The following CACNA2D3 variants were observed in gnomAD, a reference collection of about 807,000 sequenced individuals.
The protein encoded by CACNA2D3 is calcium voltage-gated channel auxiliary subunit alpha2delta 3.
In CACNA2D3, 60 loss-of-function variants were observed where a neutral mutation model predicts 160.6. The observed-to-expected ratio is 0.37, with a 90% CI of 0.30 to 0.46. The LOEUF is 0.46. Among genes scored for constraint, CACNA2D3 ranks in the 20% least tolerant of loss-of-function variants. The pLI, the probability that CACNA2D3 is intolerant of heterozygous loss-of-function variation, is 1.00. For missense variants in CACNA2D3, 1,205 were observed against 1,365.0 expected (o/e 0.88, Z 1.85); for synonymous variants, 558 against 492.9 (o/e 1.13, Z -1.75).
At chr3:54,884,837 T>A (rs922013386) in intron 21 of CACNA2D3, among the ~76,000 whole-genome samples, 1 of 152,244 alleles carries the variant, frequency 6.6e-6, no homozygotes, top group Non-Finnish European at 1.5e-5. Context: ...TAGGGACTAC[T>A]ATTCCTGCTT....
At chr3:54,554,000 A>G (rs992238529) in intron 5 of CACNA2D3, among the ~76,000 whole-genome samples, 5 of 152,208 alleles carry the variant, frequency 3.3e-5, no homozygotes, top group Admixed American at 2.6e-4. Flanking sequence ...AATCCTTGCC[A>G]CGACCTCCCC....
intron 4 of CACNA2D3, among the ~76,000 whole-genome samples, chr3:54,500,593 T>A (rs1701278877): frequency 6.6e-6 from 1 of 151,136 alleles, no homozygotes; most frequent in African/African-American, 2.4e-5. Context: ...TTTCTTTCTT[T>A]CTCTTTTTCT....
At chr3:54,535,831 G>T (rs1701880589) in intron 5 of CACNA2D3, among the ~76,000 whole-genome samples, 1 of 152,214 alleles carries the variant, frequency 6.6e-6, no homozygotes, top group Non-Finnish European at 1.5e-5. Context: ...CTGTCGGGAG[G>T]CTGAATTATG....
intron 2 of CACNA2D3, among the ~76,000 whole-genome samples, chr3:54,303,441 GT>G (rs1272707804): frequency 6.6e-6 from 1 of 152,180 alleles, no homozygotes; most frequent in Non-Finnish European, 1.5e-5. Flanking sequence ...AGAGTTTCTT[GT>G]TTGACTGGAC....
chr3:55,024,854 A>G (rs1225186360), intron 35 of CACNA2D3, among the ~76,000 whole-genome samples: 1 of 152,208 alleles, frequency 6.6e-6, no homozygotes, highest in Non-Finnish European at 1.5e-5. Context: ...ATAAAAAGCT[A>G]TAGCATATAT....
At chr3:54,347,211 C>G (rs1435869285) in intron 3 of CACNA2D3, among the ~76,000 whole-genome samples, 1 of 152,174 alleles carries the variant, frequency 6.6e-6, no homozygotes, top group Admixed American at 6.5e-5. Context: ...ACCCCTTCAC[C>G]CCTCACACAT....
At chr3:54,873,055 A>G (rs894926592) in intron 18 of CACNA2D3, among the ~76,000 whole-genome samples, 19 of 151,928 alleles carry the variant, frequency 1.3e-4, no homozygotes, top group Non-Finnish European at 2.8e-4. Context: ...TGGGTGAGTG[A>G]TTATGCCTCT....
At chr3:54,435,202 T>A (rs905031401) in intron 4 of CACNA2D3, among the ~76,000 whole-genome samples, 1 of 152,114 alleles carries the variant, frequency 6.6e-6, no homozygotes, top group Admixed American at 6.5e-5. Flanking sequence ...CAGTCAGCAC[T>A]CCACTCCCCT....
intron 11 of CACNA2D3, among the ~76,000 whole-genome samples, chr3:54,709,291 AG>A (rs1002130876): frequency 1.2e-4 from 18 of 151,996 alleles, no homozygotes; most frequent in Non-Finnish European, 2.5e-4. Flanking sequence ...CTAGGATTAC[AG>A]GTGTGAGCCA....
At chr3:54,136,375 G>A (rs1699815645) in intron 2 of CACNA2D3, among the ~76,000 whole-genome samples, 1 of 152,164 alleles carries the variant, frequency 6.6e-6, no homozygotes, top group Admixed American at 6.5e-5. Context: ...TTTCTTTTGG[G>A]TAGAATATCA....
At chr3:54,343,515 C>CTCA (rs886986907) in intron 3 of CACNA2D3, among the ~76,000 whole-genome samples, 2 of 152,124 alleles carry the variant, frequency 1.3e-5, no homozygotes, top group Non-Finnish European at 2.9e-5. Flanking sequence ...AACTCCAGAG[C>CTCA]TCAAGCCACT....
intron 13 of CACNA2D3, among the ~76,000 whole-genome samples, chr3:54,777,549 C>G (rs1381705469): frequency 1.3e-5 from 2 of 152,192 alleles, no homozygotes; most frequent in Non-Finnish European, 2.9e-5. Context: ...TATGTTTAAT[C>G]TAAAAATCTG....
chr3:55,010,504 G>A (rs181410158), intron 34 of CACNA2D3, among the ~76,000 whole-genome samples: 1 of 152,108 alleles, frequency 6.6e-6, no homozygotes, highest in Non-Finnish European at 1.5e-5. Flanking sequence ...CTTAATGAAC[G>A]CTGGCTCCAG....
chr3:54,604,478 C>T (rs1322293022), intron 9 of CACNA2D3, among the ~76,000 whole-genome samples: 1 of 152,120 alleles, frequency 6.6e-6, no homozygotes, highest in South Asian at 2.1e-4. Flanking sequence ...GCCTTACCTC[C>T]CCAAATCACA....
intron 2 of CACNA2D3, among the ~76,000 whole-genome samples, chr3:54,201,791 A>C (rs530054991): frequency 6.6e-6 from 1 of 152,362 alleles, no homozygotes; most frequent in Admixed American, 6.5e-5. Context: ...TCATTCTTTA[A>C]AATAAATTTG....
At chr3:54,808,675 G>C (rs1478629427) in intron 13 of CACNA2D3, among the ~76,000 whole-genome samples, 1 of 152,142 alleles carries the variant, frequency 6.6e-6, no homozygotes, top group East Asian at 1.9e-4. Flanking sequence ...AACATAAAGA[G>C]ATAAGTGTTC....
At chr3:54,123,387 C>A in intron 1 of CACNA2D3, 126 bp from the exon 2 acceptor site, 2 of 674,688 alleles carry the variant, frequency 3.0e-6, no homozygotes, top group Non-Finnish European at 2.6e-6. Context: ...TCTATCTTTT[C>A]TTCTTTTAAA....
intron 2 of CACNA2D3, among the ~76,000 whole-genome samples, chr3:54,269,880 GTGTC>G (rs1702587332): frequency 6.6e-6 from 1 of 152,194 alleles, no homozygotes; most frequent in African/African-American, 2.4e-5. Context: ...TTAGAGGAAA[GTGTC>G]TGACACTTGA....
chr3:54,811,443 C>G (rs1257909284), intron 13 of CACNA2D3, among the ~76,000 whole-genome samples: 1 of 145,330 alleles, frequency 6.9e-6, no homozygotes, highest in African/African-American at 2.5e-5. Flanking sequence ...CACCAGTGTG[C>G]TGATCCTGTT....
Sources: gnomAD v4.1 joint callset for allele counts (sites outside exome capture counted in the v4.1 genomes callset) on GRCh38, gnomAD v4.1.1 for gene constraint, MANE v1.5 for transcripts, NCBI Gene and HGNC (gene_info 2026-07-23, HGNC 2026-07-21) for gene names.